NRG1: variants seen among roughly 807,000 people sequenced by gnomAD.
The protein encoded by NRG1 is pro-neuregulin-1, membrane-bound isoform.
In NRG1, 18 loss-of-function variants were observed where a neutral mutation model predicts 63.8. The observed-to-expected ratio is 0.28, with a 90% CI of 0.19 to 0.42. The LOEUF (loss-of-function observed/expected upper bound fraction) is 0.42. Ranked by LOEUF, NRG1 falls within the 10% of genes least tolerant of loss-of-function variation. NRG1 has a pLI of 1.00. For missense variants in NRG1, 762 were observed against 814.7 expected, an observed-to-expected ratio of 0.94 and a Z score of 0.79; for synonymous variants, 302 against 301.3, an observed-to-expected ratio of 1.00 and a Z score of -0.02.
chr8:31,969,276 G>A (rs1476323036), intron 1 of NRG1, among the ~76,000 whole-genome samples: 1 of 152,042 alleles, frequency 6.6e-6, no homozygotes, highest in Non-Finnish European at 1.5e-5. Context: ...GATAACCTCA[G>A]GAAACATGAA....
intron 1 of NRG1, among the ~76,000 whole-genome samples, chr8:32,460,264 T>G (rs1402942826): frequency 6.6e-6 from 1 of 152,216 alleles, no homozygotes; most frequent in African/African-American, 2.4e-5. Flanking sequence ...AATGACACTT[T>G]GTGGACTATA....
chr8:32,693,025 G>T (rs184331107), intron 5 of NRG1, among the ~76,000 whole-genome samples: 1 of 152,094 alleles, frequency 6.6e-6, no homozygotes, highest in African/African-American at 2.4e-5. Context: ...ATGCCTTTCC[G>T]GTAGCTGACA....
chr8:32,521,510 A>G (rs762143018), intron 1 of NRG1, among the ~76,000 whole-genome samples: 11 of 152,224 alleles, frequency 7.2e-5, no homozygotes, highest in Non-Finnish European at 4.4e-5. Flanking sequence ...AAAGCAATGA[A>G]TACAGAAGTG....
At chr8:31,937,695 C>T (rs372535476) in intron 1 of NRG1, among the ~76,000 whole-genome samples, 11 of 152,266 alleles carry the variant, frequency 7.2e-5, no homozygotes, top group African/African-American at 2.4e-4. Flanking sequence ...TGAGACCGGC[C>T]TTTAGGACTG....
chr8:31,841,068 G>A (rs1442274817), intron 1 of NRG1, among the ~76,000 whole-genome samples: 1 of 152,168 alleles, frequency 6.6e-6, no homozygotes, highest in Non-Finnish European at 1.5e-5. Context: ...GAGACTTCTG[G>A]TTATTGTATT....
At chr8:32,072,072 C>A (rs1825830320) in intron 1 of NRG1, among the ~76,000 whole-genome samples, 1 of 151,858 alleles carries the variant, frequency 6.6e-6, no homozygotes, top group Non-Finnish European at 1.5e-5. Context: ...TGCCACATAA[C>A]CATAATTCAT....
intron 5 of NRG1, among the ~76,000 whole-genome samples, chr8:32,672,777 T>TA (rs34664328): frequency 0.86 from 130,234 of 152,102 alleles, 56,438 homozygotes; most frequent in East Asian, 1. Flanking sequence ...TCAATAACAA[T>TA]ATAGTAATAA....
At chr8:31,782,309 C>T (rs916707694) in intron 1 of NRG1, among the ~76,000 whole-genome samples, 17 of 152,086 alleles carry the variant, frequency 1.1e-4, no homozygotes, top group Admixed American at 9.8e-4. Flanking sequence ...TTCAGATTTT[C>T]GCTCAGATAC....
At chr8:32,743,314 T>C in intron 7 of NRG1, 2 of 746,048 alleles carry the variant, frequency 2.7e-6, no homozygotes, top group Non-Finnish European at 1.6e-6. Flanking sequence ...AAACAAACAT[T>C]TCACAGCAAA....
At chr8:32,516,114 T>G (rs1829798561) in intron 1 of NRG1, among the ~76,000 whole-genome samples, 1 of 152,210 alleles carries the variant, frequency 6.6e-6, no homozygotes, top group African/African-American at 2.4e-5. Flanking sequence ...CCAATTTTTC[T>G]TCTGCATATG....
chr8:32,323,085 G>A (rs1354927905), intron 1 of NRG1, among the ~76,000 whole-genome samples: 1 of 151,682 alleles, frequency 6.6e-6, no homozygotes, highest in Non-Finnish European at 1.5e-5. Context: ...AAATATGCTC[G>A]GTTTTACACA....
intron 6 of NRG1, among the ~76,000 whole-genome samples, chr8:32,730,021 A>G (rs1209548515): frequency 6.6e-6 from 1 of 152,234 alleles, no homozygotes. Flanking sequence ...AATCTGTTAG[A>G]GTGAATAAAA....
At chr8:31,874,413 T>C (rs1203255030) in intron 1 of NRG1, among the ~76,000 whole-genome samples, 1 of 152,224 alleles carries the variant, frequency 6.6e-6, no homozygotes, top group African/African-American at 2.4e-5. Flanking sequence ...AGAAATGTCT[T>C]TTAATTTATT....
intron 1 of NRG1, among the ~76,000 whole-genome samples, chr8:32,011,388 C>G (rs891756320): frequency 1.3e-5 from 2 of 149,234 alleles, no homozygotes; most frequent in African/African-American, 5.1e-5. Context: ...ACAGCAGCAG[C>G]CTTTACGTAT....
chr8:31,920,923 G>GATAC (rs1305414454), intron 1 of NRG1, among the ~76,000 whole-genome samples: 1 of 136,026 alleles, frequency 7.4e-6, no homozygotes, highest in African/African-American at 2.7e-5. Flanking sequence ...TAGATAGATA[G>GATAC]ATATAAAAAC....
At chr8:32,345,469 G>C (rs1470672409) in intron 1 of NRG1, among the ~76,000 whole-genome samples, 1 of 152,148 alleles carries the variant, frequency 6.6e-6, no homozygotes, top group Non-Finnish European at 1.5e-5. Context: ...CTCTGCTGCT[G>C]TGCAGAGCAA....
At chr8:32,336,355 A>T (rs1465738535) in intron 1 of NRG1, among the ~76,000 whole-genome samples, 1 of 152,212 alleles carries the variant, frequency 6.6e-6, no homozygotes, top group Non-Finnish European at 1.5e-5. Context: ...CAGCGAGAGA[A>T]CAACCAGGTG....
chr8:32,305,177 T>A (rs970197334), intron 1 of NRG1, among the ~76,000 whole-genome samples: 6 of 152,168 alleles, frequency 3.9e-5, no homozygotes, highest in East Asian at 1.9e-4. Flanking sequence ...TGTATTTTTT[T>A]AAATACTTTT....
At chr8:32,354,304 G>A (rs1013821442) in intron 1 of NRG1, among the ~76,000 whole-genome samples, 2 of 152,318 alleles carry the variant, frequency 1.3e-5, no homozygotes, top group East Asian at 3.9e-4. Context: ...GGGAGGCAGA[G>A]GTTGCAGTGA....
Sources: gnomAD v4.1 joint callset for allele counts (sites outside exome capture counted in the v4.1 genomes callset) on GRCh38, gnomAD v4.1.1 for gene constraint, MANE v1.5 for transcripts, NCBI Gene and HGNC (gene_info 2026-07-23, HGNC 2026-07-21) for gene names.